The following NINJ2 variants were observed in gnomAD, a reference collection of about 807,000 sequenced individuals.
NINJ2 encodes the protein ninjurin 2.
Under a neutral mutation model 11.7 loss-of-function variants are expected in NINJ2, and 12 were observed. That is an observed-to-expected ratio of 1.02 (90% confidence interval 0.66 to 1.66). The LOEUF (loss-of-function observed/expected upper bound fraction) is 1.66, where lower values mean the gene tolerates loss of function less well. Among genes scored for constraint, NINJ2 ranks in the 40% most tolerant of loss-of-function variants. The pLI, the probability that NINJ2 is intolerant of heterozygous loss-of-function variation, is 0.00. For missense variants in NINJ2, 187 were observed against 181.8 expected (o/e 1.03, Z -0.16); for synonymous variants, 93 against 76.8 (o/e 1.21, Z -1.10).
chr12:618,564 C>T (rs930362671), intron 1 of NINJ2, among the ~76,000 whole-genome samples: 1 of 152,184 alleles, frequency 6.6e-6, no homozygotes, highest in African/African-American at 2.4e-5. Context: ...TATAACCTAC[C>T]AGCAGGCTTT....
At chr12:609,157 T>A (rs2535401) in intron 1 of NINJ2, among the ~76,000 whole-genome samples, 1,371 of 44,622 alleles carry the variant, frequency 0.031, 50 homozygotes, top group Middle Eastern at 0.048. Flanking sequence ...CTAGGGGCTG[T>A]ACGCGCACGC....
Position 566,030 on chromosome 12 carries a change from TGA to T in NINJ2, c.180_181del (p.His61LeufsTer33). ...GAGGGTGACCAGGGTGGTGTAGTAG[TGA>T]GAGGATGGTCCCTGCTCCAGCACCG... On this transcript the variant is annotated frameshift_variant, in exon 2 of 4. Transcript: ENST00000305108. LOFTEE classifies it high-confidence loss of function. 1 of 1,613,972 alleles carries T rather than the reference TGA, an allele frequency of 6.2e-7. No homozygotes were observed. Among genetic ancestry groups the T allele is most frequent in the Non-Finnish European group, 8.5e-7 (1 of 1,179,970 alleles).
intron 1 of NINJ2, among the ~76,000 whole-genome samples, chr12:654,521 C>CA (rs72488352): frequency 0.021 from 2,081 of 98,496 alleles, 43 homozygotes; most frequent in East Asian, 0.13. Flanking sequence ...AACTCCGTCT[C>CA]AAAAAAAAAA....
chr12:569,040 T>C (rs947926015), intron 1 of NINJ2, among the ~76,000 whole-genome samples: 3 of 152,182 alleles, frequency 2.0e-5, no homozygotes, highest in Non-Finnish European at 4.4e-5. Context: ...TCACTATCTC[T>C]CCCATCTTCC....
At chr12:610,216 G>T in intron 1 of NINJ2, 1 of 768,832 alleles carries the variant, frequency 1.3e-6, no homozygotes, top group Non-Finnish European at 2.2e-6. Context: ...CAGACACCCA[G>T]CAGACACAGA....
chr12:618,810 G>A (rs1411722523), intron 1 of NINJ2, among the ~76,000 whole-genome samples: 3 of 152,190 alleles, frequency 2.0e-5, no homozygotes, highest in Admixed American at 2.0e-4. Flanking sequence ...TGAGAAGGTG[G>A]CAAGAGTGGA....
chr12:568,856 G>A (rs1330337612), intron 1 of NINJ2, among the ~76,000 whole-genome samples: 1 of 151,428 alleles, frequency 6.6e-6, no homozygotes, highest in Admixed American at 6.6e-5. Context: ...ATGCCAGGCG[G>A]TGCTTGGGGC....
rs113313723 is a variant in NINJ2, at chr12:611,926, G to A, written c.34-45748C>T. ...ATTTGACGGGATGCATGACCACTTA[G>A]CTAAAGTCAGCATTTCCCAATCCGT... On this transcript the variant is annotated intron_variant, in intron 1 of 3. Transcript: ENST00000305108. Among the ~76,000 whole-genome samples the A allele has an allele frequency of 4.4e-3, 672 of 152,332 alleles. 3 individuals carry two copies. Among genetic ancestry groups the A allele is most frequent in the Middle Eastern group, 0.01 (3 of 294 alleles).
intron 1 of NINJ2, among the ~76,000 whole-genome samples, chr12:649,053 T>A (rs1937743338): frequency 6.8e-6 from 1 of 146,660 alleles, no homozygotes; most frequent in Admixed American, 6.8e-5. Context: ...TTTTATCTTT[T>A]TCTTTTTTTT....
chr12:570,328 G>A (rs1185156054), intron 1 of NINJ2, among the ~76,000 whole-genome samples: 1 of 152,360 alleles, frequency 6.6e-6, no homozygotes. Context: ...GCCAGTTTAG[G>A]TGCAGCCCTG....
At chr12:632,860 G>C (rs777682001) in intron 1 of NINJ2, among the ~76,000 whole-genome samples, 16 of 152,326 alleles carry the variant, frequency 1.1e-4, no homozygotes, top group Non-Finnish European at 2.2e-4. Context: ...CTGGAGTGTG[G>C]AAGCTTTGGA....
At chr12:609,563 A>T (rs890991099) in intron 1 of NINJ2, among the ~76,000 whole-genome samples, 1 of 152,014 alleles carries the variant, frequency 6.6e-6, no homozygotes, top group Non-Finnish European at 1.5e-5. Context: ...AGGTCAGGAG[A>T]TCGAGACCAT....
chr12:651,694 C>T (rs1042063337), intron 1 of NINJ2, among the ~76,000 whole-genome samples: 4 of 152,230 alleles, frequency 2.6e-5, no homozygotes, highest in African/African-American at 7.2e-5. Flanking sequence ...GGGGTGCTAA[C>T]GAATAAAGCA....
chr12:658,305 G>A (rs539583611), intron 1 of NINJ2, among the ~76,000 whole-genome samples: 86 of 152,190 alleles, frequency 5.7e-4, no homozygotes, highest in African/African-American at 2.0e-3. Context: ...GCGCCCAGCT[G>A]AGTGGCTTTA....
intron 1 of NINJ2, among the ~76,000 whole-genome samples, chr12:625,698 T>C (rs1948204219): frequency 6.6e-6 from 1 of 152,222 alleles, no homozygotes; most frequent in African/African-American, 2.4e-5. Flanking sequence ...GGGCAGAGTC[T>C]ACTATAAAGT....
chr12:601,948 T>A (rs1947880148), intron 1 of NINJ2, among the ~76,000 whole-genome samples: 1 of 152,220 alleles, frequency 6.6e-6, no homozygotes, highest in African/African-American at 2.4e-5. Context: ...CAGTTTATTA[T>A]CTGTCTGACT....
chr12:652,028 T>A (rs568797675), intron 1 of NINJ2, among the ~76,000 whole-genome samples: 1 of 152,122 alleles, frequency 6.6e-6, no homozygotes, highest in African/African-American at 2.4e-5. Context: ...AAAAAATATT[T>A]GAAACAATAA....
At chr12:641,900 G>A (rs1357094565) in intron 1 of NINJ2, among the ~76,000 whole-genome samples, 1 of 151,862 alleles carries the variant, frequency 6.6e-6, no homozygotes, top group East Asian at 1.9e-4. Context: ...CACTGCCCTG[G>A]AGCTAGGACA....
chr12:609,657 G>C (rs927585569), intron 1 of NINJ2, among the ~76,000 whole-genome samples: 1 of 151,758 alleles, frequency 6.6e-6, no homozygotes, highest in Non-Finnish European at 1.5e-5. Flanking sequence ...TGTAGTCCCA[G>C]CTACTCAGGA....
Sources: allele counts gnomAD v4.1 joint callset (sites outside exome capture counted in the v4.1 genomes callset), GRCh38; gene constraint gnomAD v4.1.1; transcripts MANE v1.5; gene names NCBI Gene and HGNC (gene_info 2026-07-23, HGNC 2026-07-21).